Variants in HIGD1C observed in about 807,000 individuals in gnomAD.
HIGD1C encodes HIG1 hypoxia inducible domain family member 1C.
HIGD1C carries 11 observed loss-of-function variants against 13.1 expected under a neutral mutation model. The ratio of observed to expected loss-of-function variants is 0.84; its 90% CI spans 0.53 to 1.39. The LOEUF (loss-of-function observed/expected upper bound fraction) is 1.39. Ranked by LOEUF, HIGD1C falls within the 40% of genes most tolerant of loss-of-function variation. The pLI, the probability that HIGD1C is intolerant of heterozygous loss-of-function variation, is 0.00. For synonymous variants in HIGD1C, 36 were observed against 37.7 expected, an observed-to-expected ratio of 0.95 and a Z score of 0.17; for missense variants, 110 against 112.0, an observed-to-expected ratio of 0.98 and a Z score of 0.08.
At chr12:50,968,752 G>C (rs1296283441) in intron 2 of HIGD1C, among the ~76,000 whole-genome samples, 1 of 151,800 alleles carries the variant, frequency 6.6e-6, no homozygotes, top group Non-Finnish European at 1.5e-5. Context: ...ATGTTGGTCA[G>C]GCTGGTCTCA....
chr12:50,968,677 G>A (rs1441068893), intron 2 of HIGD1C, among the ~76,000 whole-genome samples: 2 of 151,972 alleles, frequency 1.3e-5, no homozygotes. Context: ...GAGTAGCTGG[G>A]ATTACAGGCA....
At chr12:50,964,646 G>C (rs1592265980) in intron 2 of HIGD1C, among the ~76,000 whole-genome samples, 1 of 152,192 alleles carries the variant, frequency 6.6e-6, no homozygotes, top group African/African-American at 2.4e-5. Flanking sequence ...CCTGCCAGGT[G>C]AAAGCAAATG....
upstream of HIGD1C, chr12:50,953,787 A>AT (rs760032710): frequency 6.3e-4 from 318 of 506,370 alleles, no homozygotes; most frequent in Non-Finnish European, 9.1e-4. Flanking sequence ...TCCTCTATGT[A>AT]TTTTTTTCTT....
At chr12:50,940,741 G>A in the HIGD1C span, among the ~76,000 whole-genome samples, 7 of 149,254 alleles carry the variant, frequency 4.7e-5, no homozygotes, top group Admixed American at 4.7e-4. Context: ...AAAAAAGACT[G>A]CAATATTAAA....
chr12:50,956,883 T>C lies in HIGD1C; in HGVS notation c.94+2791T>C, dbSNP rs564141404. ...AGCAGGAAGCATGTTCAGTTTAATA[T>C]CATTTGTTATATATTTCCAGAGTTC... On this transcript the variant is annotated intron_variant, in intron 1 of 2. Transcript: ENST00000398455. Among the ~76,000 whole-genome samples, 14 of 152,250 alleles carry C rather than the reference T, an allele frequency of 9.2e-5. 1 individual carries two copies. The South Asian group carries it at 2.9e-3, about 32-fold the overall frequency.
chr12:50,932,639 C>T, the HIGD1C span: 3 of 152,066 alleles, frequency 2.0e-5, no homozygotes, highest in Admixed American at 6.5e-5. Flanking sequence ...ACTATAAACA[C>T]AGCCAATAGA....
Position 50,961,118 on chromosome 12 carries a change from T to G in HIGD1C, c.229+16T>G. On this transcript the variant is annotated intron_variant, in intron 2 of 2. Coordinates refer to ENST00000398455, the Ensembl canonical transcript of HIGD1C. ...GTGACTCTAGGTAACCCGCTTAATT[T>G]GTATCTTATGTTCAGCTGTCTTTGA... 6.2e-7 allele frequency: 1 copy of G among 1,612,974 alleles called. No individual in the cohort carries two copies. The highest frequency in any genetic ancestry group is 8.5e-7 in the Non-Finnish European group (1 of 1,179,288).
intron 2 of HIGD1C, 72 bp downstream of exon 4, chr12:50,961,174 G>C: frequency 7.0e-7 from 1 of 1,435,936 alleles, no homozygotes; most frequent in Non-Finnish European, 9.6e-7. Flanking sequence ...TTCATTCATA[G>C]TAGAAGATGA....
At chr12:50,962,650 T>A (rs577939304) in intron 2 of HIGD1C, among the ~76,000 whole-genome samples, 44 of 152,194 alleles carry the variant, frequency 2.9e-4, no homozygotes, top group Non-Finnish European at 5.1e-4. Context: ...TGAGTCGAAA[T>A]CATGCCACTG....
downstream of HIGD1C, among the ~76,000 whole-genome samples, chr12:50,970,729 A>G (rs1156476354): frequency 6.6e-6 from 1 of 152,210 alleles, no homozygotes; most frequent in Non-Finnish European, 1.5e-5. Context: ...AACCTAGGGC[A>G]TGATTTTCTG....
At chr12:50,956,701 A>G (rs987002364) in intron 1 of HIGD1C, among the ~76,000 whole-genome samples, 15 of 151,998 alleles carry the variant, frequency 9.9e-5, no homozygotes, top group Non-Finnish European at 2.2e-4. Flanking sequence ...AATACTCCCT[A>G]TTCTTATTTA....
chr12:50,954,783 T>C (rs1396116194), intron 1 of HIGD1C, among the ~76,000 whole-genome samples: 1 of 152,192 alleles, frequency 6.6e-6, no homozygotes, highest in Non-Finnish European at 1.5e-5. Flanking sequence ...ATGTTTTTAA[T>C]GCTCTGTAGC....
chr12:50,969,796 C>T (rs575300686), intron 2 of HIGD1C, among the ~76,000 whole-genome samples: 3 of 151,930 alleles, frequency 2.0e-5, no homozygotes, highest in Middle Eastern at 6.9e-3. Flanking sequence ...AGATCTGATG[C>T]CTTGATAACT....
chr12:50,963,497 A>G (rs1470206087), intron 2 of HIGD1C, among the ~76,000 whole-genome samples: 2 of 152,104 alleles, frequency 1.3e-5, no homozygotes, highest in Non-Finnish European at 2.9e-5. Context: ...GTTTTCAGCC[A>G]TCTCCAAGCC....
chr12:50,942,058 T>C, the HIGD1C span, among the ~76,000 whole-genome samples: 1 of 152,084 alleles, frequency 6.6e-6, no homozygotes, highest in African/African-American at 2.4e-5. Flanking sequence ...TTTTTTTGTA[T>C]TTTTGGTAGA....
chr12:50,972,230 T>C (rs1370915404), downstream of HIGD1C, among the ~76,000 whole-genome samples: 3 of 152,224 alleles, frequency 2.0e-5, no homozygotes, highest in Non-Finnish European at 4.4e-5. Flanking sequence ...GCACTAAAAA[T>C]AGATTAAGAG....
chr12:50,961,236 C>T (rs1302618316), intron 2 of HIGD1C, 134 bp downstream of exon 4: 7 of 943,334 alleles, frequency 7.4e-6, no homozygotes, highest in Non-Finnish European at 1.1e-5. Flanking sequence ...ACTGATCTTC[C>T]CTTAGTTGAG....
At chr12:50,943,450 C>T in the HIGD1C span, among the ~76,000 whole-genome samples, 7 of 152,150 alleles carry the variant, frequency 4.6e-5, no homozygotes, top group Non-Finnish European at 7.4e-5. Flanking sequence ...GTGGCTCACA[C>T]CTGTAATCCC....
intron 2 of HIGD1C, among the ~76,000 whole-genome samples, chr12:50,964,249 T>TATATTATTATA (rs1939456847): frequency 1.3e-5 from 2 of 152,254 alleles, no homozygotes; most frequent in Non-Finnish European, 2.9e-5. Flanking sequence ...AGATGGTTAT[T>TATATTATTATA]GCTAGTATTA....
Sources: gnomAD v4.1 joint callset for allele counts (sites outside exome capture counted in the v4.1 genomes callset) on GRCh38, gnomAD v4.1.1 for gene constraint, MANE v1.5 for transcripts, NCBI Gene and HGNC (gene_info 2026-07-23, HGNC 2026-07-21) for gene names.